The following ITGA4 variants were observed in gnomAD, a reference collection of about 807,000 sequenced individuals.
ITGA4 encodes the protein integrin subunit alpha 4.
In ITGA4, 63 loss-of-function variants were observed where a neutral mutation model predicts 133.6. The ratio of observed to expected loss-of-function variants is 0.47; its 90% CI spans 0.38 to 0.58. The LOEUF is 0.58. Ranked by LOEUF, ITGA4 falls within the 20% of genes least tolerant of loss-of-function variation. ITGA4 has a pLI of 0.00. For missense variants in ITGA4, 1,076 were observed against 1,252.7 expected (o/e 0.86, Z 2.13); for synonymous variants, 483 against 438.0 (o/e 1.10, Z -1.28).
intron 1 of ITGA4, 64 bp from the exon 2 acceptor site, chr2:181,458,132 C>T: frequency 6.2e-7 from 1 of 1,605,546 alleles, no homozygotes; most frequent in Non-Finnish European, 8.5e-7. Flanking sequence ...ACATCTGTGG[C>T]GACAGGGAGC....
intron 9 of ITGA4, among the ~76,000 whole-genome samples, chr2:181,483,438 A>G (rs1419951065): frequency 1.3e-5 from 2 of 152,208 alleles, no homozygotes; most frequent in Non-Finnish European, 2.9e-5. Context: ...TTATAATGGC[A>G]TAGCATTTTT....
At position 181,538,048 on chromosome 2, in the gene ITGA4, C is replaced by T. The variant is rs772362543; in HGVS notation, c.*2521C>T. On this transcript the variant is annotated 3_prime_UTR_variant, in exon 28 of 28. Transcript: ENST00000397033. ...GAGGTGGAACAGTTCATCCTGAAAC[C>T]ATTCCCCCATCCACGGAAAAATTGT... is the stretch of plus-strand genomic sequence containing the variant. The T allele has an allele frequency of 1.6e-5, 11 of 703,496 alleles. No homozygotes were observed. The highest frequency in any genetic ancestry group is 2.9e-5 in the Non-Finnish European group (11 of 377,240). 43.6% of individuals were successfully genotyped at this position (703,496 alleles called of 1,614,324 possible).
intron 14 of ITGA4, 105 bp from the exon 15 acceptor site, chr2:181,498,518 A>ATAT (rs1308085872): frequency 3.6e-6 from 2 of 557,560 alleles, no homozygotes; most frequent in African/African-American, 3.9e-5. Context: ...AGAATTCCAG[A>ATAT]TATTATTTCC....
rs1171337196 is a variant in ITGA4 at position 181,523,628 on chromosome 2, TTTAGCTTGGG to T, written c.2169+97_2169+106del. On this transcript the variant is annotated intron_variant, in intron 19 of 27. Transcript: ENST00000397033. The surrounding 1 kb of genome is among the most constrained non-coding windows in gnomAD (Gnocchi z 4.2). Reference sequence around the variant, plus strand: ...GTTGCATAGAAAATATTATAAATATTTTAGCTTGGGGTAGGTAGCTGAGTGATGAAATAAA... The same window carrying T: ...GTTGCATAGAAAATATTATAAATATTGTAGGTAGCTGAGTGATGAAATAAA... 1 of 674,068 alleles carries T rather than the reference TTTAGCTTGGG, an allele frequency of 1.5e-6. No individual in the cohort carries two copies. Among genetic ancestry groups the T allele is most frequent in the East Asian group, 2.8e-5 (1 of 36,188 alleles). The allele number at this position is 674,068 out of a possible 1,614,324, so 41.8% of individuals were successfully genotyped here.
At chr2:181,480,052 T>A in intron 5 of ITGA4, 85 bp from the exon 6 acceptor site, 2 of 837,464 alleles carry the variant, frequency 2.4e-6, no homozygotes, top group East Asian at 6.3e-5. Context: ...TATAAAAATA[T>A]GTTCTCTTCA....
chr2:181,487,075 G>A (rs1019697728), intron 10 of ITGA4, among the ~76,000 whole-genome samples: 1 of 152,102 alleles, frequency 6.6e-6, no homozygotes, highest in East Asian at 1.9e-4. Flanking sequence ...TGTTATACAA[G>A]TATTACTGTT....
At position 181,498,696 on chromosome 2, in the gene ITGA4, T is replaced by C. The variant is rs1349557527; in HGVS notation, c.1614T>C (p.Asn538=). 2 of 1,612,380 alleles carry C rather than the reference T, an allele frequency of 1.2e-6. No individual in the cohort carries two copies. The highest frequency in any genetic ancestry group is 4.5e-5 in the East Asian group (2 of 44,794). ...CACCAAGATTCTATTTCTCTTCTAA[T>C]GGAACTTCTGACGTGATTACAGGAA... ...ESPPRFYFSS[N]GTSDVITGSI... Residue 538 remains asparagine (N), a synonymous_variant, in exon 15 of 28, where the codon AAT becomes AAC. Coordinates refer to ENST00000397033, the MANE Select transcript of ITGA4 (RefSeq NM_000885.6).
chr2:181,473,791 AC>A (rs201884296), intron 2 of ITGA4, among the ~76,000 whole-genome samples: 1 of 152,068 alleles, frequency 6.6e-6, no homozygotes, highest in Non-Finnish European at 1.5e-5. Flanking sequence ...ACATAGTGAG[AC>A]CCCCATTGGT....
At chr2:181,492,260 GTAAATA>G (rs147338587) in intron 10 of ITGA4, among the ~76,000 whole-genome samples, 11,796 of 152,304 alleles carry the variant, frequency 0.077, 567 homozygotes, top group South Asian at 0.12. Context: ...TCTAAACAAA[GTAAATA>G]TAGGTGTCTA....
chr2:181,499,946 G>A (rs3770115), intron 15 of ITGA4, among the ~76,000 whole-genome samples: 34,986 of 152,060 alleles, frequency 0.23, 4,852 homozygotes, highest in Non-Finnish European at 0.31. Flanking sequence ...TCTTGGCATC[G>A]TTCCTGTAAA....
At chr2:181,467,804 C>G (rs1178806796) in intron 2 of ITGA4, among the ~76,000 whole-genome samples, 1 of 152,104 alleles carries the variant, frequency 6.6e-6, no homozygotes, top group Non-Finnish European at 1.5e-5. Context: ...TTTTTTAATT[C>G]TAATCTTTCC....
At chr2:181,466,024 T>A (rs1026667145) in intron 2 of ITGA4, among the ~76,000 whole-genome samples, 16 of 152,156 alleles carry the variant, frequency 1.1e-4, no homozygotes, top group African/African-American at 2.9e-4. Flanking sequence ...TTTCCCTCTT[T>A]AAATTATGCT....
intron 23 of ITGA4, among the ~76,000 whole-genome samples, chr2:181,530,230 G>T (rs1686917117): frequency 6.6e-6 from 1 of 152,206 alleles, no homozygotes; most frequent in Non-Finnish European, 1.5e-5. Flanking sequence ...TAAAGGCAAA[G>T]AAATATTTAA....
Position 181,495,336 on chromosome 2 carries a change from A to C in ITGA4, c.1340-35A>C. 6.5e-7 allele frequency: 1 copy of C among 1,538,270 alleles called. No homozygotes were observed. Among genetic ancestry groups the C allele is most frequent in the Non-Finnish European group, 9.0e-7 (1 of 1,111,620 alleles). On this transcript the variant is annotated intron_variant, in intron 12 of 27. Coordinates refer to ENST00000397033, the MANE Select transcript of ITGA4 (RefSeq NM_000885.6). This position sits in a 1 kb window ranked among gnomAD's most constrained non-coding sequence, Gnocchi z 4.3. ...GAAAAATAATTCTCTTTGACTAATG[A>C]TGATCATTAATCTGTGTTGTTTTTT...
intron 25 of ITGA4, among the ~76,000 whole-genome samples, chr2:181,532,462 G>A (rs1395878486): frequency 1.3e-5 from 2 of 152,004 alleles, no homozygotes; most frequent in Non-Finnish European, 2.9e-5. Context: ...CCTTGAAGAG[G>A]TCCTTCACAT....
chr2:181,475,031 C>A lies in ITGA4; in HGVS notation c.391C>A (p.Leu131Ile). The A allele has an allele frequency of 6.2e-7, 1 of 1,614,064 alleles. No homozygotes were observed. ...ERDNQWLGVTLSRQPGENGSI... is the reference protein window; with the variant it reads ...ERDNQWLGVTISRQPGENGSI... ...AGACAATCAGTGGTTGGGGGTCACA[C>A]TTTCCAGACAGCCAGGAGAAAATGG... is the stretch of plus-strand genomic sequence containing the variant. Residue 131 changes from leucine (L) to isoleucine (I), a missense_variant, in exon 3 of 28, where the codon CTT becomes ATT. This residue lies in a region of ITGA4 where 436 missense variants were observed against 590.7 expected (regional missense o/e 0.74). Transcript: ENST00000397033.
Position 181,494,741 on chromosome 2 carries a change from T to A in ITGA4, c.1268T>A (p.Ile423Asn), listed in dbSNP as rs760258985. The A allele has an allele frequency of 1.9e-6, 3 of 1,601,032 alleles. No individual in the cohort carries two copies. Among genetic ancestry groups the A allele is most frequent in the African/African-American group, 1.3e-5 (1 of 74,780 alleles). Reference protein sequence around the residue: ...TFSQRIEGLQISKSLSMFGQS... With the variant: ...TFSQRIEGLQNSKSLSMFGQS... ...TTTCAGAGAATTGAAGGACTTCAGA[T>A]CAGCAAATCGTTAAGTATGTTTGGA... Residue 423 changes from isoleucine to asparagine, a missense_variant, in exon 12 of 28, where the codon ATC becomes AAC. This residue lies in a region of ITGA4 where 436 missense variants were observed against 590.7 expected (regional missense o/e 0.74). Coordinates refer to ENST00000397033, the MANE Select transcript of ITGA4 (RefSeq NM_000885.6).
At chr2:181,466,622 TA>T (rs1336321218) in intron 2 of ITGA4, among the ~76,000 whole-genome samples, 1 of 152,154 alleles carries the variant, frequency 6.6e-6, no homozygotes, top group African/African-American at 2.4e-5. Flanking sequence ...GTAGAATTCA[TA>T]AACATCATTA....
chr2:181,513,435 T>C (rs1686544634), intron 17 of ITGA4, among the ~76,000 whole-genome samples: 1 of 152,076 alleles, frequency 6.6e-6, no homozygotes, highest in Non-Finnish European at 1.5e-5. Context: ...TTCTTATTTC[T>C]GATATCCAGA....
Sources: gnomAD v4.1 joint callset for allele counts (sites outside exome capture counted in the v4.1 genomes callset) on GRCh38, gnomAD v4.1.1 for gene constraint, gnomAD v4.1.1 regional missense constraint, Gnocchi (gnomAD v3.1) non-coding constraint, MANE v1.5 for transcripts, NCBI Gene and HGNC (gene_info 2026-07-23, HGNC 2026-07-21) for gene names.